Variants in PDZRN4 observed in about 807,000 individuals in gnomAD.
PDZRN4 encodes the protein PDZ domain containing ring finger 4.
A neutral mutation model predicts 99.0 loss-of-function variants in PDZRN4; 70 were observed. That is an observed-to-expected ratio of 0.71 (90% CI 0.58 to 0.86). The LOEUF is 0.86. Among genes scored for constraint, PDZRN4 ranks in the 40% least tolerant of loss-of-function variants. The pLI is 0.00. For synonymous variants in PDZRN4, 551 were observed against 501.6 expected (o/e 1.10, Z -1.32); for missense variants, 1,474 against 1,331.2 (o/e 1.11, Z -1.67).
At position 41,229,892 on chromosome 12, in the gene PDZRN4, T is replaced by A. The variant is rs183846202; in HGVS notation, c.843+35704T>A. 1.5e-3 allele frequency among the ~76,000 whole-genome samples: 225 copies of A among 152,186 alleles called. 1 individual carries two copies. The highest frequency in any genetic ancestry group is 4.6e-3 in the African/African-American group (190 of 41,558). On this transcript the variant is annotated intron_variant, in intron 3 of 9. Transcript: ENST00000402685. ...TAAGGGATGATCCAACTGTATATAT[T>A]TTTTTAAATACAATAATTTTTGTTA...
chr12:41,432,841 C>T (rs1217690905), intron 3 of PDZRN4, among the ~76,000 whole-genome samples: 1 of 152,086 alleles, frequency 6.6e-6, no homozygotes, highest in African/African-American at 2.4e-5. Context: ...ACATCTGGAG[C>T]ACAGGTAGGG....
At chr12:41,540,936 T>G (rs1356543345) in intron 5 of PDZRN4, among the ~76,000 whole-genome samples, 1 of 149,482 alleles carries the variant, frequency 6.7e-6, no homozygotes, top group Non-Finnish European at 1.5e-5. Context: ...TTGTTGTTGT[T>G]GTTTCGGAGA....
At chr12:41,569,534 C>T (rs1363230791) in intron 9 of PDZRN4, among the ~76,000 whole-genome samples, 1 of 152,192 alleles carries the variant, frequency 6.6e-6, no homozygotes, top group Non-Finnish European at 1.5e-5. Context: ...GGATTGCAGG[C>T]ATGAGCCACT....
intron 3 of PDZRN4, among the ~76,000 whole-genome samples, chr12:41,377,663 CA>C (rs557332286): frequency 4.1e-4 from 59 of 143,404 alleles, no homozygotes; most frequent in East Asian, 1.0e-3. Flanking sequence ...GACTCCACCT[CA>C]AAAAAAAAAA....
intron 3 of PDZRN4, among the ~76,000 whole-genome samples, chr12:41,450,545 T>C (rs1343832383): frequency 1.3e-5 from 2 of 152,218 alleles, no homozygotes; most frequent in Non-Finnish European, 2.9e-5. Context: ...AAGATATCTT[T>C]ACTGTCTTGC....
chr12:41,210,793 T>C (rs1222806926), intron 3 of PDZRN4, among the ~76,000 whole-genome samples: 2 of 152,004 alleles, frequency 1.3e-5, no homozygotes, highest in African/African-American at 4.8e-5. Context: ...GATTGGTAGG[T>C]AAGGCTTTTG....
At chr12:41,455,586 C>G (rs2255145) in intron 3 of PDZRN4, among the ~76,000 whole-genome samples, 78,626 of 151,980 alleles carry the variant, frequency 0.52, 20,887 homozygotes, top group African/African-American at 0.65. Flanking sequence ...AGTTTAATTG[C>G]AGTAGCATCT....
intron 3 of PDZRN4, among the ~76,000 whole-genome samples, chr12:41,339,068 A>T (rs1321312853): frequency 1.3e-5 from 2 of 151,684 alleles, no homozygotes; most frequent in African/African-American, 2.4e-5. Context: ...ATAGAAAAAA[A>T]TTTCCTAAAA....
chr12:41,459,819 C>T, intron 3 of PDZRN4: 1 of 523,824 alleles, frequency 1.9e-6, no homozygotes, highest in Non-Finnish European at 2.9e-6. Context: ...CATAGCCCTG[C>T]ATCATGTACA....
intron 7 of PDZRN4, among the ~76,000 whole-genome samples, chr12:41,557,794 A>G (rs1003672666): frequency 1.3e-5 from 2 of 152,188 alleles, no homozygotes; most frequent in South Asian, 2.1e-4. Context: ...CCTCAAGAAC[A>G]TAATTTCTCC....
rs776513781 is a variant in PDZRN4 at position 41,506,753 on chromosome 12, A to G, written c.1100+41A>G. The G allele has an allele frequency of 5.8e-6, 9 of 1,564,350 alleles. No individual in the cohort carries two copies. In the South Asian group the frequency reaches 7.3e-5, roughly 13 times the overall value. ...TTCTTCCAAAGCCCTGTTTGTTTCCATTTGTCACGTAAAGCAGATGTTGAA... is the reference window on the plus strand; with the variant it reads ...TTCTTCCAAAGCCCTGTTTGTTTCCGTTTGTCACGTAAAGCAGATGTTGAA... On this transcript the variant is annotated intron_variant, in intron 4 of 9. Transcript: ENST00000402685.
intron 3 of PDZRN4, among the ~76,000 whole-genome samples, chr12:41,332,421 A>G (rs1477448998): frequency 1.3e-5 from 2 of 152,070 alleles, no homozygotes; most frequent in Non-Finnish European, 2.9e-5. Flanking sequence ...AGAGGAGAGG[A>G]AATGTGGTCC....
At chr12:41,319,512 A>G (rs1419147712) in intron 3 of PDZRN4, among the ~76,000 whole-genome samples, 1 of 151,736 alleles carries the variant, frequency 6.6e-6, no homozygotes, top group Non-Finnish European at 1.5e-5. Context: ...GACCCTTAAA[A>G]CCAGCCACCG....
At chr12:41,559,514 T>C (rs1939229862) in intron 7 of PDZRN4, among the ~76,000 whole-genome samples, 1 of 152,114 alleles carries the variant, frequency 6.6e-6, no homozygotes. Flanking sequence ...AAGGAGAGAA[T>C]GCTATATTCT....
intron 3 of PDZRN4, among the ~76,000 whole-genome samples, chr12:41,254,050 TG>T (rs1591986267): frequency 6.6e-6 from 1 of 151,926 alleles, no homozygotes; most frequent in East Asian, 1.9e-4. Flanking sequence ...TGTGTGTGTG[TG>T]TGTGTTTGCG....
intron 3 of PDZRN4, among the ~76,000 whole-genome samples, chr12:41,374,888 T>C (rs919887490): frequency 6.6e-6 from 1 of 152,180 alleles, no homozygotes; most frequent in African/African-American, 2.4e-5. Context: ...CCCTAACAAA[T>C]AGAACAAGGC....
chr12:41,232,614 C>T (rs899844323), intron 3 of PDZRN4, among the ~76,000 whole-genome samples: 1 of 144,204 alleles, frequency 6.9e-6, no homozygotes, highest in Non-Finnish European at 1.5e-5. Context: ...TTCTCCCATT[C>T]TGTAGGTTGC....
chr12:41,510,040 T>C, intron 5 of PDZRN4, 127 bp downstream of exon 5: 1 of 477,484 alleles, frequency 2.1e-6, no homozygotes, highest in East Asian at 3.4e-5. Flanking sequence ...TGTAAGATCT[T>C]TCAAATACTA....
At chr12:41,216,257 T>C (rs903517842) in intron 3 of PDZRN4, among the ~76,000 whole-genome samples, 2 of 151,982 alleles carry the variant, frequency 1.3e-5, no homozygotes, top group Non-Finnish European at 2.9e-5. Flanking sequence ...TATATAGATG[T>C]TTAAAAAGAG....
Sources: allele counts gnomAD v4.1 joint callset (sites outside exome capture counted in the v4.1 genomes callset), GRCh38; gene constraint gnomAD v4.1.1; transcripts MANE v1.5; gene names NCBI Gene and HGNC (gene_info 2026-07-23, HGNC 2026-07-21).